The following SV2C variants were observed in gnomAD, a reference collection of about 807,000 sequenced individuals.
SV2C encodes synaptic vesicle glycoprotein 2C.
A neutral mutation model predicts 79.7 loss-of-function variants in SV2C; 49 were observed. The ratio of observed to expected loss-of-function variants is 0.61; its 90% CI spans 0.49 to 0.78. The LOEUF is 0.78. SV2C is among the 30% of genes least tolerant of loss of function. The probability of loss-of-function intolerance (pLI) is 0.00; values close to 1 mark genes in which losing one functional copy is unlikely to be tolerated. For synonymous variants in SV2C, 334 were observed against 333.2 expected (o/e 1.00, Z -0.03); for missense variants, 833 against 912.9 (o/e 0.91, Z 1.13).
chr5:76,169,123 A>G (rs886427586), intron 2 of SV2C, among the ~76,000 whole-genome samples: 3 of 152,240 alleles, frequency 2.0e-5, no homozygotes, highest in East Asian at 1.9e-4. Context: ...ATTTTACTGG[A>G]CAAAGTAGAA....
At chr5:76,281,084 C>T in intron 4 of SV2C, 2 of 541,466 alleles carry the variant, frequency 3.7e-6, no homozygotes, top group Middle Eastern at 3.2e-4. Flanking sequence ...CGTGTAAAGA[C>T]TAAAAAAACT....
chr5:76,223,482 T>C (rs1249272565), intron 4 of SV2C, among the ~76,000 whole-genome samples: 5 of 49,088 alleles, frequency 1.0e-4, no homozygotes, highest in Admixed American at 1.9e-4. Context: ...TATATATATA[T>C]ATATATATAT....
At chr5:76,090,380 G>A (rs973581715) in intron 1 of SV2C, among the ~76,000 whole-genome samples, 1 of 152,214 alleles carries the variant, frequency 6.6e-6, no homozygotes, top group African/African-American at 2.4e-5. Flanking sequence ...GCAGAGCATT[G>A]TATTTAGTCT....
chr5:75,938,399 A>C, the SV2C span, among the ~76,000 whole-genome samples: 1 of 152,354 alleles, frequency 6.6e-6, no homozygotes, highest in Non-Finnish European at 1.5e-5. Flanking sequence ...GAAACAATGC[A>C]AATGCCCATC....
the SV2C span, among the ~76,000 whole-genome samples, chr5:75,872,199 G>C: frequency 1.3e-5 from 2 of 150,064 alleles, no homozygotes. Context: ...ATCTTAACAA[G>C]AAATATATAG....
the SV2C span, among the ~76,000 whole-genome samples, chr5:76,040,989 A>C: frequency 6.6e-6 from 1 of 152,052 alleles, no homozygotes; most frequent in South Asian, 2.1e-4. Flanking sequence ...AGTCTGAGGA[A>C]CTGCAGTGTG....
At chr5:76,185,571 T>A (rs11742846) in intron 2 of SV2C, among the ~76,000 whole-genome samples, 54,830 of 152,178 alleles carry the variant, frequency 0.36, 10,320 homozygotes, top group Middle Eastern at 0.44. Context: ...ACACCATGTG[T>A]AAGCCACCAA....
chr5:76,321,295 A>AG lies in SV2C; in HGVS notation c.2001-4064dup, dbSNP rs1554047793. 9.1e-3 allele frequency among the ~76,000 whole-genome samples: 1,141 copies of AG among 125,014 alleles called. 7 individuals carry two copies. The highest frequency in any genetic ancestry group is 0.042 in the Middle Eastern group (10 of 238). 82.0% of individuals were successfully genotyped at this position (125,014 alleles called of 152,430 possible). A position where few individuals can be genotyped will look rare whatever the true frequency, so the allele number is the denominator to read the frequency against. ...CCCTTATAAGATGCATTTCCCTCTT[A>AG]GGGGGAAAAAAAAAACAAGGTATCC... On this transcript the variant is annotated intron_variant, in intron 12 of 12. Transcript: ENST00000502798.
the SV2C span, among the ~76,000 whole-genome samples, chr5:76,038,592 C>T: frequency 1.3e-5 from 2 of 152,126 alleles, no homozygotes; most frequent in Non-Finnish European, 2.9e-5. Context: ...ATGAGTGATA[C>T]AAATGTGGAA....
the SV2C span, among the ~76,000 whole-genome samples, chr5:76,048,877 GAGGA>G: frequency 7.1e-6 from 1 of 140,278 alleles, no homozygotes; most frequent in East Asian, 2.1e-4. Flanking sequence ...GAGAGAGAGA[GAGGA>G]AGGAAGGAAG....
the SV2C span, among the ~76,000 whole-genome samples, chr5:76,040,118 A>C: frequency 2.0e-5 from 3 of 152,218 alleles, no homozygotes; most frequent in Admixed American, 6.5e-5. Context: ...CTTTCACATT[A>C]ACTTTTAACA....
chr5:76,289,556 CTTTT>C (rs766254139), intron 6 of SV2C, among the ~76,000 whole-genome samples: 104 of 152,324 alleles, frequency 6.8e-4, no homozygotes, highest in Non-Finnish European at 1.2e-3. Context: ...TATATTCTTT[CTTTT>C]ATCTTTGGTA....
intron 2 of SV2C, among the ~76,000 whole-genome samples, chr5:76,153,655 AGGAATGGT>A (rs1325208112): frequency 1.3e-5 from 2 of 152,192 alleles, no homozygotes; most frequent in East Asian, 3.9e-4. Context: ...ATTCAAAAGA[AGGAATGGT>A]TAGTGCTCTC....
At chr5:76,111,296 T>C (rs1748090525) in intron 1 of SV2C, among the ~76,000 whole-genome samples, 1 of 152,188 alleles carries the variant, frequency 6.6e-6, no homozygotes. Flanking sequence ...CTTCACTAAC[T>C]CTTTCTTTCT....
chr5:76,004,974 C>T, the SV2C span, among the ~76,000 whole-genome samples: 4 of 152,134 alleles, frequency 2.6e-5, no homozygotes, highest in Non-Finnish European at 4.4e-5. Context: ...GGAGTGAGCA[C>T]GACCTAAATC....
intron 1 of SV2C, among the ~76,000 whole-genome samples, chr5:76,089,065 C>T (rs1747288745): frequency 6.6e-6 from 1 of 152,118 alleles, no homozygotes; most frequent in Admixed American, 6.5e-5. Context: ...GATACATGTG[C>T]AGGTTTGTAA....
chr5:76,181,234 A>G (rs752399466), intron 2 of SV2C, among the ~76,000 whole-genome samples: 3 of 152,146 alleles, frequency 2.0e-5, no homozygotes, highest in Non-Finnish European at 4.4e-5. Flanking sequence ...TAGGAACACA[A>G]CCACACCCAT....
intron 3 of SV2C, among the ~76,000 whole-genome samples, chr5:76,204,613 G>GT (rs1744554291): frequency 6.6e-6 from 1 of 152,122 alleles, no homozygotes; most frequent in Non-Finnish European, 1.5e-5. Flanking sequence ...AAGCAGAATA[G>GT]AATTACTCAG....
the SV2C span, among the ~76,000 whole-genome samples, chr5:75,948,613 G>A: frequency 0.039 from 5,905 of 152,056 alleles, 323 homozygotes; most frequent in African/African-American, 0.12. Flanking sequence ...TGGTCAGGGA[G>A]GGCTTATTTG....
Sources: gnomAD v4.1 joint callset for allele counts (sites outside exome capture counted in the v4.1 genomes callset) on GRCh38, gnomAD v4.1.1 for gene constraint, MANE v1.5 for transcripts, NCBI Gene and HGNC (gene_info 2026-07-23, HGNC 2026-07-21) for gene names.